Variants in SH3YL1 observed in about 807,000 individuals in gnomAD.
The protein encoded by SH3YL1 is SH3 and SYLF domain containing 1, also known as SH3 domain-containing YSC84-like protein 1.
A neutral mutation model predicts 45.8 loss-of-function variants in SH3YL1; 41 were observed. The ratio of observed to expected loss-of-function variants is 0.89; its 90% CI spans 0.70 to 1.16. The LOEUF is 1.16. Among genes scored for constraint, SH3YL1 ranks in the 50% most tolerant of loss-of-function variants. SH3YL1 has a pLI of 0.00. For missense variants in SH3YL1, 389 were observed against 409.6 expected (o/e 0.95, Z 0.43); for synonymous variants, 152 against 151.4 (o/e 1.00, Z -0.03).
chr2:254,477 C>A (rs1431713569), intron 1 of SH3YL1, among the ~76,000 whole-genome samples: 1 of 152,230 alleles, frequency 6.6e-6, no homozygotes, highest in African/African-American at 2.4e-5. Context: ...TTAGGAGGCA[C>A]ATGCGTGACT....
chr2:224,762 G>A (rs1667722099), intron 9 of SH3YL1, 102 bp downstream of exon 9: 2 of 869,882 alleles, frequency 2.3e-6, no homozygotes, highest in Admixed American at 3.9e-5. Flanking sequence ...TTAAAGGGCT[G>A]AACACTTCCC....
At chr2:222,515 C>A (rs1292891417) in intron 9 of SH3YL1, 8 of 152,280 alleles carry the variant, frequency 5.3e-5, no homozygotes. Context: ...GTGTAGTGCC[C>A]AGGTTGAGAA....
intron 9 of SH3YL1, among the ~76,000 whole-genome samples, chr2:224,154 C>T (rs1368993437): frequency 6.6e-6 from 1 of 152,154 alleles, no homozygotes; most frequent in Non-Finnish European, 1.5e-5. Flanking sequence ...AATAAACAGG[C>T]TATTTTATGA....
At position 239,144 on chromosome 2, in the gene SH3YL1, G is replaced by T. The variant is rs115802226; in HGVS notation, c.292-4872C>A. On this transcript the variant is annotated intron_variant, in intron 4 of 9. Coordinates refer to ENST00000356150, the MANE Select transcript of SH3YL1 (RefSeq NM_015677.4). ...TTAAGCAGCATCCTTTGCACAACTA[G>T]ACCTTGTTAGTTAAGAGAACTGACC... 7.8e-3 allele frequency among the ~76,000 whole-genome samples: 1,193 copies of T among 152,276 alleles called. 10 individuals carry two copies. The highest frequency in any genetic ancestry group is 0.027 in the African/African-American group (1,121 of 41,550).
intron 4 of SH3YL1, chr2:242,270 TTC>T (rs1293857595): frequency 1.3e-5 from 2 of 152,192 alleles, no homozygotes; most frequent in African/African-American, 2.4e-5. Flanking sequence ...CTCTCAATTA[TTC>T]TCTGAGTTTC....
intron 4 of SH3YL1, among the ~76,000 whole-genome samples, chr2:236,306 C>T (rs962059408): frequency 1.3e-5 from 2 of 152,078 alleles, no homozygotes; most frequent in African/African-American, 4.8e-5. Flanking sequence ...CAATGTCCAT[C>T]CCAGCTCCGC....
chr2:219,508 A>G (rs935702127), intron 9 of SH3YL1, among the ~76,000 whole-genome samples: 3 of 152,160 alleles, frequency 2.0e-5, no homozygotes, highest in African/African-American at 7.2e-5. Flanking sequence ...GCAGAAACCG[A>G]GACCTTGCCA....
chr2:244,043 T>C (rs1263206837), intron 4 of SH3YL1, among the ~76,000 whole-genome samples: 2 of 152,200 alleles, frequency 1.3e-5, no homozygotes, highest in East Asian at 1.9e-4. Flanking sequence ...ACATGCTGCC[T>C]GGATGTGGGA....
chr2:238,512 T>G (rs1350893842), intron 4 of SH3YL1, among the ~76,000 whole-genome samples: 1 of 152,012 alleles, frequency 6.6e-6, no homozygotes, highest in Non-Finnish European at 1.5e-5. Flanking sequence ...CCATGTAAAT[T>G]CTCCCTGGAA....
chr2:263,126 A>AT (rs1484664511), intron 1 of SH3YL1: 1 of 157,520 alleles, frequency 6.3e-6, no homozygotes, highest in African/African-American at 2.4e-5. Flanking sequence ...ATGAATTCAG[A>AT]TATTCCCTAC....
chr2:226,442 G>A (rs1667787730), intron 8 of SH3YL1, among the ~76,000 whole-genome samples: 1 of 152,178 alleles, frequency 6.6e-6, no homozygotes, highest in Non-Finnish European at 1.5e-5. Context: ...ATGAAGAGAT[G>A]TTTACATTCA....
intron 4 of SH3YL1, chr2:241,842 T>C (rs191248728): frequency 6.6e-6 from 1 of 151,704 alleles, no homozygotes; most frequent in Non-Finnish European, 1.5e-5. Context: ...AGATTAAAAA[T>C]TTTTTTTTAA....
At chr2:233,496 T>C (rs1668150728) in intron 5 of SH3YL1, among the ~76,000 whole-genome samples, 1 of 152,226 alleles carries the variant, frequency 6.6e-6, no homozygotes, top group Non-Finnish European at 1.5e-5. Flanking sequence ...GTGCAGCATG[T>C]GTAAATATAT....
chr2:219,708 C>G (rs899517233), intron 9 of SH3YL1, among the ~76,000 whole-genome samples: 5 of 152,156 alleles, frequency 3.3e-5, no homozygotes, highest in South Asian at 2.1e-4. Context: ...TATATCAAAC[C>G]CTAGGAGATT....
rs1255887859 is a variant in SH3YL1 at position 244,312 on chromosome 2, C to T, written c.291+3226G>A. ...GAGATCGAGACTATCCTGGCTGACACAGTGAAACCCCATCTCTACTAAAAA... is the reference window on the plus strand; with the variant it reads ...GAGATCGAGACTATCCTGGCTGACATAGTGAAACCCCATCTCTACTAAAAA... On this transcript the variant is annotated intron_variant, in intron 4 of 9. Coordinates refer to ENST00000356150, the MANE Select transcript of SH3YL1 (RefSeq NM_015677.4). 2.6e-5 allele frequency among the ~76,000 whole-genome samples: 4 copies of T among 151,918 alleles called. No homozygotes were observed. In the East Asian group the frequency reaches 7.8e-4, roughly 29 times the overall value.
chr2:254,488 G>C (rs549500045), intron 1 of SH3YL1, among the ~76,000 whole-genome samples: 74 of 152,346 alleles, frequency 4.9e-4, no homozygotes, highest in African/African-American at 1.8e-3. Flanking sequence ...ATGCGTGACT[G>C]ACTGCAGGAT....
Position 224,871 on chromosome 2 carries a change from C to T in SH3YL1, c.831G>A (p.Glu277=), listed in dbSNP as rs758947969. Reference sequence around the variant, plus strand: ...ATAGATTTACTGATTTACCAACTCTCTCATGATAGCTGGAAAGTCCAGGAT... The same window carrying T: ...ATAGATTTACTGATTTACCAACTCTTTCATGATAGCTGGAAAGTCCAGGAT... The part of the protein sequence containing the change: ...KLYPGLSSYH[E]RVGNLNQPIE... The change falls in exon 9 of 10, where the codon GAG becomes GAA. Residue 277 remains glutamate, a synonymous_variant. Transcript: ENST00000356150. 1.3e-4 allele frequency: 215 copies of T among 1,605,966 alleles called. No homozygotes were observed. The highest frequency in any genetic ancestry group is 1.8e-4 in the Non-Finnish European group (210 of 1,172,796).
chr2:255,807 AT>A (rs1261538451), intron 1 of SH3YL1: 3 of 152,196 alleles, frequency 2.0e-5, no homozygotes, highest in Non-Finnish European at 4.4e-5. Context: ...TTTATGCAAA[AT>A]TAAGTGTGCA....
At chr2:243,552 T>A (rs1435012243) in intron 4 of SH3YL1, 1 of 1,520,322 alleles carries the variant, frequency 6.6e-7, no homozygotes, top group Admixed American at 2.1e-5. Context: ...AATATGTAGC[T>A]GTAAATGTGT....
Sources: allele counts gnomAD v4.1 joint callset (sites outside exome capture counted in the v4.1 genomes callset), GRCh38; gene constraint gnomAD v4.1.1; transcripts MANE v1.5; gene names NCBI Gene and HGNC (gene_info 2026-07-23, HGNC 2026-07-21).